Variants in ACSL1 observed in about 807,000 individuals in gnomAD.
ACSL1 encodes the protein acyl-CoA synthetase long chain family member 1.
In ACSL1, 41 loss-of-function variants were observed where a neutral mutation model predicts 98.4. The observed-to-expected ratio is 0.42, with a 90% CI of 0.32 to 0.54. The LOEUF is 0.54. ACSL1 is among the 20% of genes least tolerant of loss of function. The pLI, the probability that ACSL1 is intolerant of heterozygous loss-of-function variation, is 0.13. For synonymous variants in ACSL1, 316 were observed against 322.7 expected (o/e 0.98, Z 0.22); for missense variants, 734 against 883.1 (o/e 0.83, Z 2.14).
At chr4:184,779,895 G>T (rs1388034997) in intron 5 of ACSL1, among the ~76,000 whole-genome samples, 1 of 146,764 alleles carries the variant, frequency 6.8e-6, no homozygotes, top group Non-Finnish European at 1.5e-5. Flanking sequence ...TTTTTGAGAC[G>T]GAGTTTCGCT....
At position 184,777,466 on chromosome 4, in the gene ACSL1, T is replaced by TATGC. The variant is rs201291218; in HGVS notation, c.478-487_478-484dup. ...GAGTGAGATCCTGTATGTATGTATG[T>TATGC]ATGCATGTACAAAGAGAGGGAGGGA... On this transcript the variant is annotated intron_variant, in intron 5 of 20. Coordinates refer to ENST00000281455, the MANE Select transcript of ACSL1 (RefSeq NM_001995.5). 4.8e-5 allele frequency among the ~76,000 whole-genome samples: 7 copies of TATGC among 145,482 alleles called. No individual in the cohort carries two copies. In the East Asian group the frequency reaches 1.4e-3, roughly 29 times the overall value.
Position 184,788,684 on chromosome 4 carries a change from G to A in ACSL1, c.243C>T (p.Pro81=). 6.2e-7 allele frequency: 1 copy of A among 1,614,100 alleles called. No homozygotes were observed. The highest frequency in any genetic ancestry group is 8.5e-7 in the Non-Finnish European group (1 of 1,180,024). Residue 81 remains proline, a synonymous_variant, in exon 3 of 21, where the codon CCC becomes CCT. Transcript: ENST00000281455. ...RRSALLDSDE[P]LVYFYDDVTT... The stretch of plus-strand genomic sequence containing the variant: ...TGACATCATCATAGAAATACACCAA[G>A]GGCTCGTCGCTGTCAAGTAGTGCGG...
rs1026971313 is a variant in ACSL1, at chr4:184,803,587, A to T, written c.-32-41T>A. The T allele has an allele frequency of 7.4e-7, 1 of 1,348,880 alleles. No homozygotes were observed. Among genetic ancestry groups the T allele is most frequent in the Non-Finnish European group, 9.7e-7 (1 of 1,033,836 alleles). 83.6% of individuals were successfully genotyped at this position (1,348,880 alleles called of 1,614,324 possible). A position where few individuals can be genotyped will look rare whatever the true frequency, so the allele number is the denominator to read the frequency against. ...AATGTCACGTTCGTTCCAGGGAAGC[A>T]GGACCCCTCTCCAGAACTCCAAAAT... is the stretch of plus-strand genomic sequence containing the variant. On this transcript the variant is annotated intron_variant, in intron 1 of 20. Transcript: ENST00000281455. The surrounding 1 kb of genome is among the most constrained non-coding windows in gnomAD (Gnocchi z 4.8).
chr4:184,760,548 C>T, intron 17 of ACSL1, 48 bp from the exon 18 acceptor site: 1 of 1,609,308 alleles, frequency 6.2e-7, no homozygotes, highest in South Asian at 1.1e-5. Flanking sequence ...TGGCTGGTTT[C>T]CAACCAGGAT....
chr4:184,823,298 G>C (rs529111475), intron 1 of ACSL1, among the ~76,000 whole-genome samples: 1 of 152,292 alleles, frequency 6.6e-6, no homozygotes, highest in East Asian at 1.9e-4. Flanking sequence ...TTGTAGTACA[G>C]GAGCCTCATG....
chr4:184,820,218 CG>C (rs1772954093), intron 1 of ACSL1, among the ~76,000 whole-genome samples: 1 of 152,130 alleles, frequency 6.6e-6, no homozygotes, highest in Admixed American at 6.6e-5. Flanking sequence ...AGGGTTGCAC[CG>C]TGTTAGCCAG....
rs535735332 is a variant in ACSL1, at chr4:184,763,135, G to A, written c.1521+32C>T. ...AGGCCAGCGATCACAGGAAATGGCA[G>A]CGAGGGAAAATGACTGACGGTTTTC... On this transcript the variant is annotated intron_variant, in intron 16 of 20. Coordinates refer to ENST00000281455, the MANE Select transcript of ACSL1 (RefSeq NM_001995.5). The A allele has an allele frequency of 6.8e-6, 11 of 1,607,128 alleles. No individual in the cohort carries two copies. The East Asian group carries it at 1.8e-4, about 26-fold the overall frequency.
chr4:184,824,429 A>AT (rs900410345), intron 1 of ACSL1, among the ~76,000 whole-genome samples: 8 of 151,632 alleles, frequency 5.3e-5, no homozygotes, highest in South Asian at 2.1e-4. Flanking sequence ...TGTCTGGGTA[A>AT]TTTTTTTTTA....
intron 5 of ACSL1, 101 bp from the exon 6 acceptor site, chr4:184,777,084 G>T: frequency 2.8e-6 from 3 of 1,071,352 alleles, no homozygotes; most frequent in Non-Finnish European, 4.2e-6. Context: ...AACATTTGAC[G>T]CAGCAAAATT....
intron 4 of ACSL1, among the ~76,000 whole-genome samples, chr4:184,783,566 T>C (rs1236470940): frequency 6.6e-6 from 1 of 152,236 alleles, no homozygotes; most frequent in Admixed American, 6.5e-5. Flanking sequence ...GAAATGAAGA[T>C]GTATTCCCAC....
At position 184,760,493 on chromosome 4, in the gene ACSL1, G is replaced by T; in HGVS notation, c.1646C>A (p.Thr549Asn). ...CTTTTTCCGGTCGATAATTTTCAAG[G>T]TGCCATTCTGTTGATCAGAGGGGAG... ...GDIGKWLPNGTLKIIDRKKHI... is the reference protein window; with the variant it reads ...GDIGKWLPNGNLKIIDRKKHI... The change falls in exon 18 of 21, where the codon ACC becomes AAC. Residue 549 changes from threonine to asparagine, a missense_variant. Thr to Asn is a moderately conservative substitution (Grantham distance 65). Transcript: ENST00000281455. 2 of 1,614,078 alleles carry T rather than the reference G, an allele frequency of 1.2e-6. No individual in the cohort carries two copies. The highest frequency in any genetic ancestry group is 1.7e-5 in the Admixed American group (1 of 60,020).
At chr4:184,784,709 T>A (rs1164432600) in intron 3 of ACSL1, among the ~76,000 whole-genome samples, 1 of 152,108 alleles carries the variant, frequency 6.6e-6, no homozygotes. Context: ...CATGAGGACC[T>A]AAGGAAGTAG....
intron 10 of ACSL1, among the ~76,000 whole-genome samples, 191 bp downstream of exon 10, chr4:184,772,890 G>A (rs1764714329): frequency 6.6e-6 from 1 of 152,086 alleles, no homozygotes; most frequent in Non-Finnish European, 1.5e-5. Context: ...ATAAGGCAAG[G>A]GTTGGCGATT....
chr4:184,821,395 T>C lies in ACSL1; in HGVS notation c.-33+4521A>G, dbSNP rs1279947369. On this transcript the variant is annotated intron_variant, in intron 1 of 20. Coordinates refer to ENST00000281455, the MANE Select transcript of ACSL1 (RefSeq NM_001995.5). ...TCTATAGCAGCCAAAGCTGTGCTAA[T>C]GGATAGAGCCTACATTTATCAGAAG... 2.2e-5 allele frequency: 5 copies of C among 229,358 alleles called. No homozygotes were observed. The East Asian group carries it at 3.8e-4, about 17-fold the overall frequency. The allele number at this position is 229,358 out of a possible 1,614,324, so 14.2% of individuals were successfully genotyped here.
At chr4:184,824,467 AACAGAAGTCTTTAAT>A (rs1392806321) in intron 1 of ACSL1, among the ~76,000 whole-genome samples, 1 of 152,162 alleles carries the variant, frequency 6.6e-6, no homozygotes, top group East Asian at 1.9e-4. Context: ...AAATTCAGAA[AACAGAAGTCTTTAAT>A]ATGTCTGTTT....
At chr4:184,823,308 G>A (rs1250066376) in intron 1 of ACSL1, among the ~76,000 whole-genome samples, 1 of 152,198 alleles carries the variant, frequency 6.6e-6, no homozygotes, top group Non-Finnish European at 1.5e-5. Context: ...GGAGCCTCAT[G>A]CACTGCATCA....
intron 10 of ACSL1, among the ~76,000 whole-genome samples, chr4:184,772,452 C>T (rs1362353851): frequency 6.6e-6 from 1 of 152,146 alleles, no homozygotes; most frequent in Non-Finnish European, 1.5e-5. Flanking sequence ...CAATAAGCAC[C>T]TTTTTAAAAG....
At chr4:184,795,317 T>C (rs1400076732) in intron 2 of ACSL1, among the ~76,000 whole-genome samples, 1 of 152,198 alleles carries the variant, frequency 6.6e-6, no homozygotes, top group Non-Finnish European at 1.5e-5. Context: ...CATAAGTAAA[T>C]ATTACAGCAC....
chr4:184,824,511 G>A (rs772776613), intron 1 of ACSL1, among the ~76,000 whole-genome samples: 6 of 152,270 alleles, frequency 3.9e-5, no homozygotes, highest in Non-Finnish European at 8.8e-5. Context: ...AGAGGTATAA[G>A]GTGTGCGGCT....
Sources: gnomAD v4.1 joint callset for allele counts (sites outside exome capture counted in the v4.1 genomes callset) on GRCh38, gnomAD v4.1.1 for gene constraint, Gnocchi (gnomAD v3.1) non-coding constraint, MANE v1.5 for transcripts, NCBI Gene and HGNC (gene_info 2026-07-23, HGNC 2026-07-21) for gene names.